ASAP1: variants seen among roughly 807,000 people sequenced by gnomAD.
ASAP1 encodes arf-GAP with SH3 domain, ANK repeat and PH domain-containing protein 1.
Under a neutral mutation model 145.2 loss-of-function variants are expected in ASAP1, and 43 were observed. That is an observed-to-expected ratio of 0.30 (90% confidence interval 0.23 to 0.38). The LOEUF (loss-of-function observed/expected upper bound fraction) is 0.38. Ranked by LOEUF, ASAP1 falls within the 10% of genes least tolerant of loss-of-function variation. The pLI is 1.00. For missense variants in ASAP1, 1,018 were observed against 1,355.3 expected, an observed-to-expected ratio of 0.75 and a Z score of 3.91; for synonymous variants, 546 against 515.5, an observed-to-expected ratio of 1.06 and a Z score of -0.80.
chr8:130,073,476 G>A (rs966192591), intron 27 of ASAP1, among the ~76,000 whole-genome samples: 1 of 152,146 alleles, frequency 6.6e-6, no homozygotes, highest in Non-Finnish European at 1.5e-5. Context: ...AAGGAGTAAG[G>A]GAAGATGCAG....
intron 3 of ASAP1, among the ~76,000 whole-genome samples, chr8:130,338,418 T>G (rs891131569): frequency 2.0e-5 from 3 of 152,122 alleles, no homozygotes; most frequent in Admixed American, 2.0e-4. Context: ...GGGGAAGTAT[T>G]CAACAAAGAA....
intron 1 of ASAP1, among the ~76,000 whole-genome samples, chr8:130,433,015 T>C (rs138169797): frequency 9.9e-5 from 15 of 152,274 alleles, no homozygotes; most frequent in African/African-American, 3.4e-4. Flanking sequence ...CTCAACAGAG[T>C]GTAGACTGCA....
At position 130,375,065 on chromosome 8, in the gene ASAP1, G is replaced by A. The variant is rs1040165414; in HGVS notation, c.60-16922C>T. ...CGTCCACTTGCACATTTATGGCTCCGGTTTCCTAACTGCTCCATATTGCCA... is the reference window on the plus strand; with the variant it reads ...CGTCCACTTGCACATTTATGGCTCCAGTTTCCTAACTGCTCCATATTGCCA... On this transcript the variant is annotated intron_variant, in intron 2 of 29. Transcript: ENST00000518721. Among the ~76,000 whole-genome samples, 24 of 152,064 alleles carry A rather than the reference G, an allele frequency of 1.6e-4. No individual in the cohort carries two copies. In the East Asian group the frequency reaches 1.7e-3, roughly 11 times the overall value.
Position 130,252,465 on chromosome 8 carries a change from T to C in ASAP1, c.187-15471A>G, listed in dbSNP as rs1049305720. Among the ~76,000 whole-genome samples the C allele has an allele frequency of 5.9e-5, 9 of 152,186 alleles. No individual in the cohort carries two copies. The South Asian group carries it at 6.2e-4, about 11-fold the overall frequency. On this transcript the variant is annotated intron_variant, in intron 3 of 29. Coordinates refer to ENST00000518721, the MANE Select transcript of ASAP1 (RefSeq NM_018482.4). Reference sequence around the variant, plus strand: ...GTCTTATAATACATGCAATGCCTGCTTTTTCCTGAGCAATTTCAAAGGACC... The same window carrying C: ...GTCTTATAATACATGCAATGCCTGCCTTTTCCTGAGCAATTTCAAAGGACC...
intron 1 of ASAP1, among the ~76,000 whole-genome samples, chr8:130,436,216 G>A (rs1185199919): frequency 1.3e-5 from 2 of 152,224 alleles, no homozygotes; most frequent in African/African-American, 2.4e-5. Context: ...AAAGTAAAAT[G>A]TATAGTCATT....
chr8:130,099,429 C>T (rs954367946), intron 24 of ASAP1, among the ~76,000 whole-genome samples: 15 of 152,046 alleles, frequency 9.9e-5, no homozygotes, highest in African/African-American at 3.1e-4. Context: ...ATCCGCCCAT[C>T]GTGGCCTCCA....
intron 1 of ASAP1, among the ~76,000 whole-genome samples, chr8:130,403,899 C>A (rs747259805): frequency 1.3e-5 from 2 of 152,134 alleles, no homozygotes; most frequent in African/African-American, 2.4e-5. Flanking sequence ...AGTTGTTCCA[C>A]CACAGGTCCT....
intron 2 of ASAP1, among the ~76,000 whole-genome samples, chr8:130,385,313 A>G (rs1827961191): frequency 6.6e-6 from 1 of 152,202 alleles, no homozygotes; most frequent in Non-Finnish European, 1.5e-5. Context: ...TAAAATAAAT[A>G]AATAAATAAA....
At chr8:130,401,818 C>A in intron 2 of ASAP1, 67 bp downstream of exon 2, 1 of 1,497,102 alleles carries the variant, frequency 6.7e-7, no homozygotes. Context: ...ATTTCAACTC[C>A]CAAGAAGAAT....
At chr8:130,156,490 A>C (rs1327952740) in intron 12 of ASAP1, among the ~76,000 whole-genome samples, 1 of 152,220 alleles carries the variant, frequency 6.6e-6, no homozygotes, top group Non-Finnish European at 1.5e-5. Flanking sequence ...TCCAGCATCT[A>C]GCAGGCTGCC....
rs1247693024 is a variant in ASAP1 at position 130,358,791 on chromosome 8, C to A, written c.60-648G>T. The stretch of plus-strand genomic sequence containing the variant: ...CGCGCACAGCCCCTGGGGCCTGGCT[C>A]CGAAGCTGCCGCTCCCGACCCCGGC... On this transcript the variant is annotated intron_variant, in intron 2 of 29. Transcript: ENST00000518721. The surrounding 1 kb of genome is among the most constrained non-coding windows in gnomAD (Gnocchi z 4.1). 6.7e-6 allele frequency among the ~76,000 whole-genome samples: 1 copy of A among 149,058 alleles called. No individual in the cohort carries two copies. The highest frequency in any genetic ancestry group is 2.4e-5 in the African/African-American group (1 of 40,852).
At chr8:130,097,159 A>G (rs1432724953) in intron 24 of ASAP1, among the ~76,000 whole-genome samples, 1 of 132,946 alleles carries the variant, frequency 7.5e-6, no homozygotes, top group Non-Finnish European at 1.6e-5. Flanking sequence ...AAAAAAAAAA[A>G]AAGTCCTTGA....
At chr8:130,439,630 G>A (rs1343236286) in intron 1 of ASAP1, among the ~76,000 whole-genome samples, 1 of 152,158 alleles carries the variant, frequency 6.6e-6, no homozygotes. Context: ...TAAACACAGG[G>A]ACTTAAGAGT....
At chr8:130,398,501 T>C (rs1275060284) in intron 2 of ASAP1, among the ~76,000 whole-genome samples, 1 of 152,158 alleles carries the variant, frequency 6.6e-6, no homozygotes, top group East Asian at 1.9e-4. Flanking sequence ...GTAATATTAG[T>C]AGAAGCAGCA....
At chr8:130,076,583 G>A (rs984622418) in intron 26 of ASAP1, among the ~76,000 whole-genome samples, 177 bp from the exon 27 acceptor site, 10 of 151,900 alleles carry the variant, frequency 6.6e-5, no homozygotes, top group Non-Finnish European at 1.2e-4. Flanking sequence ...GTGTAGTGGC[G>A]CGATCTCTGC....
chr8:130,409,449 G>A (rs1829173312), intron 1 of ASAP1, among the ~76,000 whole-genome samples: 1 of 152,144 alleles, frequency 6.6e-6, no homozygotes. Context: ...TGTAACCTCA[G>A]GCCAGGTAAC....
intron 15 of ASAP1, among the ~76,000 whole-genome samples, 196 bp from the exon 16 acceptor site, chr8:130,128,286 A>T (rs1017170901): frequency 6.6e-6 from 1 of 152,048 alleles, no homozygotes; most frequent in Non-Finnish European, 1.5e-5. Flanking sequence ...TGAGAGTTAA[A>T]GAATGAAAAA....
chr8:130,413,461 G>A (rs1829349509), intron 1 of ASAP1, among the ~76,000 whole-genome samples: 1 of 152,108 alleles, frequency 6.6e-6, no homozygotes, highest in African/African-American at 2.4e-5. Context: ...ATATAATGTG[G>A]CAGAACTATT....
intron 27 of ASAP1, among the ~76,000 whole-genome samples, chr8:130,071,842 A>G (rs2097447266): frequency 1.3e-5 from 2 of 152,328 alleles, no homozygotes; most frequent in Middle Eastern, 6.8e-3. Context: ...GATTGTGTAT[A>G]TATATGTTTT....
Sources: allele counts gnomAD v4.1 joint callset (sites outside exome capture counted in the v4.1 genomes callset), GRCh38; gene constraint gnomAD v4.1.1; non-coding constraint Gnocchi (gnomAD v3.1); transcripts MANE v1.5; gene names NCBI Gene and HGNC (gene_info 2026-07-23, HGNC 2026-07-21).